SULT1C3: variants seen among roughly 807,000 people sequenced by gnomAD.
The protein encoded by SULT1C3 is sulfotransferase 1C3.
Under a neutral mutation model 28.4 loss-of-function variants are expected in SULT1C3, and 31 were observed. That is an observed-to-expected ratio of 1.09 (90% CI 0.82 to 1.47). The LOEUF (loss-of-function observed/expected upper bound fraction) is 1.47. Among genes scored for constraint, SULT1C3 ranks in the 40% most tolerant of loss-of-function variants. The probability of loss-of-function intolerance (pLI) is 0.00; values close to 1 mark genes in which losing one functional copy is unlikely to be tolerated. For synonymous variants in SULT1C3, 106 were observed against 92.2 expected (o/e 1.15, Z -0.86); for missense variants, 307 against 272.5 (o/e 1.13, Z -0.89).
chr2:108,247,323 A>G lies in SULT1C3; in HGVS notation c.129A>G (p.Gln43=). The part of the protein sequence containing the change: ...KEWWEKVCNF[Q]AKPDDLILAT... ...GGTGGGAAAAAGTATGTAATTTCCA[A>G]GCCAAGCCTGATGATCTTATTCTGG... Residue 43 remains glutamine (Q), a synonymous_variant, in exon 2 of 8, where the codon CAA becomes CAG. Transcript: ENST00000681802. 1 of 1,577,540 alleles carries G rather than the reference A, an allele frequency of 6.3e-7. No individual in the cohort carries two copies. The highest frequency in any genetic ancestry group is 1.4e-5 in the African/African-American group (1 of 73,736).
chr2:108,253,222 A>G (rs1675776794), intron 3 of SULT1C3, 123 bp from the exon 4 acceptor site: 1 of 524,846 alleles, frequency 1.9e-6, no homozygotes, highest in East Asian at 3.5e-5. Flanking sequence ...TGGATAAAAA[A>G]TTACTATTTC....
rs560680288 is a variant in SULT1C3 at position 108,241,462 on chromosome 2, T to C, written c.-8+1379T>C. 3.6e-4 allele frequency among the ~76,000 whole-genome samples: 55 copies of C among 152,372 alleles called. 2 individuals are homozygous for C. Among genetic ancestry groups the C allele is most frequent in the South Asian group, 4.1e-4 (2 of 4,826 alleles). On this transcript the variant is annotated intron_variant, in intron 1 of 7. Coordinates refer to ENST00000681802, the MANE Select transcript of SULT1C3 (RefSeq NM_001320878.2). The stretch of plus-strand genomic sequence containing the variant: ...AATAGTTAAAAATAAGTTTACTTGA[T>C]GATACAAAATAAAACAAGCATCAGC...
chr2:108,243,482 T>G (rs1446098672), intron 1 of SULT1C3, among the ~76,000 whole-genome samples: 1 of 151,826 alleles, frequency 6.6e-6, no homozygotes, highest in Non-Finnish European at 1.5e-5. Flanking sequence ...ATACAAAAAA[T>G]TAGCCGGGAG....
chr2:108,251,429 C>T (rs765572630), intron 2 of SULT1C3, among the ~76,000 whole-genome samples: 2 of 151,938 alleles, frequency 1.3e-5, no homozygotes, highest in Non-Finnish European at 2.9e-5. Flanking sequence ...TTACAATGAG[C>T]GACCTGGTGG....
At position 108,241,312 on chromosome 2, in the gene SULT1C3, A is replaced by G. The variant is rs1258427926; in HGVS notation, c.-8+1229A>G. 3.3e-5 allele frequency among the ~76,000 whole-genome samples: 5 copies of G among 152,252 alleles called. No homozygotes were observed. In the East Asian group the frequency reaches 9.6e-4, roughly 29 times the overall value. On this transcript the variant is annotated intron_variant, in intron 1 of 7. Transcript: ENST00000681802. ...TATTGTCACACTGATGCAAACAACT[A>G]TATTGCCGTAAGTTAAGAGTACTCA...
chr2:108,240,958 C>A (rs1444765238), intron 1 of SULT1C3, among the ~76,000 whole-genome samples: 1 of 152,178 alleles, frequency 6.6e-6, no homozygotes, highest in African/African-American at 2.4e-5. Context: ...AGAAACTGTT[C>A]CACAAGGAAT....
rs373363067 is a variant in SULT1C3, at chr2:108,241,816, A to G, written c.-8+1733A>G. Among the ~76,000 whole-genome samples the G allele has an allele frequency of 2.6e-5, 4 of 151,996 alleles. No homozygotes were observed. The East Asian group carries it at 7.7e-4, about 29-fold the overall frequency. On this transcript the variant is annotated intron_variant, in intron 1 of 7. Coordinates refer to ENST00000681802, the MANE Select transcript of SULT1C3 (RefSeq NM_001320878.2). ...ATGGCGGGTGCCTGTAGTCCCAGCTACTCAGGAGGCTGAGGCAGGAGAATG... is the reference window on the plus strand; with the variant it reads ...ATGGCGGGTGCCTGTAGTCCCAGCTGCTCAGGAGGCTGAGGCAGGAGAATG...
At position 108,259,045 on chromosome 2, in the gene SULT1C3, A is replaced by G; in HGVS notation, c.701A>G (p.His234Arg). 1 of 668,324 alleles carries G rather than the reference A, an allele frequency of 1.5e-6. No individual in the cohort carries two copies. The highest frequency in any genetic ancestry group is 2.7e-6 in the Non-Finnish European group (1 of 364,960). 41.4% of individuals were successfully genotyped at this position (668,324 alleles called of 1,614,324 possible). A position where few individuals can be genotyped will look rare whatever the true frequency, so the allele number is the denominator to read the frequency against. ...GGTGATGTTATAAACAAGATTGTCC[A>G]CCATACCTCATTTGATGTAATGAAG... is the stretch of plus-strand genomic sequence containing the variant. ...WSGDVINKIV[H>R]HTSFDVMKDN... is the part of the protein sequence containing the mutation. Residue 234 changes from histidine (H) to arginine (R), a missense_variant, in exon 7 of 8, where the codon CAC (histidine) becomes CGC (arginine). Transcript: ENST00000681802.
At chr2:108,242,320 C>T (rs186333829) in intron 1 of SULT1C3, among the ~76,000 whole-genome samples, 2 of 152,308 alleles carry the variant, frequency 1.3e-5, no homozygotes, top group Admixed American at 1.3e-4. Flanking sequence ...GCAGCACAGA[C>T]AGAAGATTCA....
At chr2:108,247,693 A>G (rs1675623226) in intron 2 of SULT1C3, among the ~76,000 whole-genome samples, 3 of 152,204 alleles carry the variant, frequency 2.0e-5, no homozygotes. Flanking sequence ...CCCTCAAGAC[A>G]GCCTTCTAAA....
chr2:108,264,757 C>G (rs1288454853), downstream of SULT1C3: 1 of 1,461,822 alleles, frequency 6.8e-7, no homozygotes, highest in Non-Finnish European at 9.3e-7. Flanking sequence ...CAAATACTGT[C>G]CAAATGGAAC....
At chr2:108,259,300 A>G (rs914847660) in intron 7 of SULT1C3, among the ~76,000 whole-genome samples, 154 bp downstream of exon 7, 1 of 152,074 alleles carries the variant, frequency 6.6e-6, no homozygotes, top group East Asian at 1.9e-4. Context: ...CAGACAGCCA[A>G]TGTCAGTGGT....
In SULT1C3 at chr2:108,258,845, C is replaced by T. The variant is rs747050165; in HGVS notation, c.621+17C>T. ...ATTAAAAAAGTAAGTGGCACTGAGA[C>T]TTATAGGTCAGACCCAGAAACCCTC... On this transcript the variant is annotated intron_variant, in intron 6 of 7. Coordinates refer to ENST00000681802, the MANE Select transcript of SULT1C3 (RefSeq NM_001320878.2). The T allele has an allele frequency of 9.4e-6, 15 of 1,592,180 alleles. No individual in the cohort carries two copies. The highest frequency in any genetic ancestry group is 6.7e-5 in the South Asian group (6 of 90,128).
Position 108,258,613 on chromosome 2 carries a change from C to T in SULT1C3, c.527-121C>T, listed in dbSNP as rs574830754. The stretch of plus-strand genomic sequence containing the variant: ...AATTTTATTACTAGAAAATTATTTC[C>T]ACTTCGTTAAGGAACCAGAACGATA... On this transcript the variant is annotated intron_variant, in intron 5 of 7. Coordinates refer to ENST00000681802, the MANE Select transcript of SULT1C3 (RefSeq NM_001320878.2). 1,432 of 682,660 alleles carry T rather than the reference C, an allele frequency of 2.1e-3. 10 individuals are homozygous for T. Among genetic ancestry groups the T allele is most frequent in the South Asian group, 3.7e-3 (136 of 37,124 alleles). 42.3% of individuals were successfully genotyped at this position (682,660 alleles called of 1,614,324 possible).
intron 5 of SULT1C3, among the ~76,000 whole-genome samples, chr2:108,256,162 C>T (rs1675862591): frequency 6.6e-6 from 1 of 151,994 alleles, no homozygotes; most frequent in African/African-American, 2.4e-5. Context: ...CTGCAGGAAC[C>T]TCACATTAGA....
At chr2:108,244,749 G>A (rs1333536397) in intron 1 of SULT1C3, among the ~76,000 whole-genome samples, 1 of 152,170 alleles carries the variant, frequency 6.6e-6, no homozygotes, top group Non-Finnish European at 1.5e-5. Flanking sequence ...GGAACTTGAA[G>A]GCACCCCCAA....
chr2:108,259,780 C>T (rs1269942036), intron 7 of SULT1C3, among the ~76,000 whole-genome samples: 2 of 152,040 alleles, frequency 1.3e-5, no homozygotes, highest in Admixed American at 6.6e-5. Flanking sequence ...AACAAGTTAA[C>T]ATTCTAGATA....
At chr2:108,248,016 G>T (rs1675629727) in intron 2 of SULT1C3, among the ~76,000 whole-genome samples, 1 of 152,106 alleles carries the variant, frequency 6.6e-6, no homozygotes, top group Admixed American at 6.6e-5. Context: ...TCCCACTCTT[G>T]GGAATAGAAT....
At chr2:108,260,892 C>T (rs527480121), downstream of SULT1C3, among the ~76,000 whole-genome samples, 121 of 152,154 alleles carry the variant, frequency 8.0e-4, no homozygotes, top group Non-Finnish European at 1.3e-3. Context: ...GAGCAGAGTC[C>T]GCCTACATGA....
Sources: gnomAD v4.1 joint callset for allele counts (sites outside exome capture counted in the v4.1 genomes callset) on GRCh38, gnomAD v4.1.1 for gene constraint, MANE v1.5 for transcripts, NCBI Gene and HGNC (gene_info 2026-07-23, HGNC 2026-07-21) for gene names.